Variants in RARB observed in about 807,000 individuals in gnomAD.
RARB encodes HBV-activated protein.
A neutral mutation model predicts 51.9 loss-of-function variants in RARB; 17 were observed. The ratio of observed to expected loss-of-function variants is 0.33; its 90% confidence interval spans 0.22 to 0.49. RARB has a LOEUF of 0.49. RARB is among the 20% of genes least tolerant of loss of function. The pLI is 0.99. For missense variants in RARB, 369 were observed against 550.8 expected (o/e 0.67, Z 3.30); for synonymous variants, 215 against 195.4 (o/e 1.10, Z -0.84).
At chr3:25,300,676 T>C (rs1704018473) in intron 5 of RARB, among the ~76,000 whole-genome samples, 1 of 152,118 alleles carries the variant, frequency 6.6e-6, no homozygotes, top group Non-Finnish European at 1.5e-5. Context: ...TGAGTCACTT[T>C]TGGCTGCTGC....
chr3:25,468,920 T>C (rs1695567378), intron 2 of RARB, among the ~76,000 whole-genome samples: 2 of 152,340 alleles, frequency 1.3e-5, no homozygotes, highest in Non-Finnish European at 2.9e-5. Flanking sequence ...CAGCCTGTCC[T>C]GCAGAAGGCC....
chr3:25,550,346 A>T (rs1024538697), intron 3 of RARB, among the ~76,000 whole-genome samples: 5 of 152,102 alleles, frequency 3.3e-5, no homozygotes, highest in Non-Finnish European at 7.4e-5. Context: ...GTGGCTTATA[A>T]ATAACAGAAA....
At position 25,375,907 on chromosome 3, in the gene RARB, C is replaced by A. The variant is rs144820039; in HGVS notation, c.179-85286C>A. ...CAAGTTTCCACCTACCATTTACTAGCTATGTGGCCTTGAGGGTTACTGAAC... is the reference window on the plus strand; with the variant it reads ...CAAGTTTCCACCTACCATTTACTAGATATGTGGCCTTGAGGGTTACTGAAC... On this transcript the variant is annotated intron_variant, in intron 5 of 11. Coordinates refer to the RARB transcript ENST00000383772. Among the ~76,000 whole-genome samples the A allele has an allele frequency of 4.2e-3, 643 of 152,258 alleles. 3 individuals carry two copies. The highest frequency in any genetic ancestry group is 0.014 in the African/African-American group (599 of 41,558).
chr3:24,903,097 AAGT>A (rs1297926477), intron 2 of RARB, among the ~76,000 whole-genome samples: 2 of 152,142 alleles, frequency 1.3e-5, no homozygotes, highest in African/African-American at 2.4e-5. Flanking sequence ...AAAAATCTCC[AAGT>A]AGTAAATACA....
chr3:25,438,022 A>C lies in RARB; in HGVS notation c.157+9134A>C, dbSNP rs535341023. Among the ~76,000 whole-genome samples the C allele has an allele frequency of 2.2e-3, 332 of 152,360 alleles. 2 individuals are homozygous for C. Among genetic ancestry groups the C allele is most frequent in the African/African-American group, 7.1e-3 (297 of 41,592 alleles). On this transcript the variant is annotated intron_variant, in intron 1 of 7. Transcript: ENST00000330688. Reference sequence around the variant, plus strand: ...GTGGATGGGCTGGGCTCCGCTGGGCAGACCCTCTGCTCCGCATGCTGTCAG... The same window carrying C: ...GTGGATGGGCTGGGCTCCGCTGGGCCGACCCTCTGCTCCGCATGCTGTCAG...
chr3:25,150,252 A>G (rs1475607403), intron 4 of RARB, among the ~76,000 whole-genome samples: 1 of 152,202 alleles, frequency 6.6e-6, no homozygotes, highest in African/African-American at 2.4e-5. Flanking sequence ...TAGCATGATG[A>G]AACAGAGCAA....
chr3:25,285,302 G>T (rs775493736), intron 5 of RARB, among the ~76,000 whole-genome samples: 5 of 152,154 alleles, frequency 3.3e-5, no homozygotes, highest in South Asian at 2.1e-4. Context: ...AAAAGGAAAG[G>T]CTTTCCAGTC....
intron 5 of RARB, among the ~76,000 whole-genome samples, chr3:25,581,001 C>T (rs925403176): frequency 6.6e-6 from 1 of 152,082 alleles, no homozygotes; most frequent in African/African-American, 2.4e-5. Flanking sequence ...CTAAGTTTAC[C>T]CCAGACCCCC....
chr3:25,184,355 CAG>C (rs1279616546), intron 5 of RARB, among the ~76,000 whole-genome samples: 2 of 152,108 alleles, frequency 1.3e-5, no homozygotes, highest in Admixed American at 6.6e-5. Context: ...GATGATAGCA[CAG>C]AGTTACCTGG....
At chr3:25,580,421 C>A in intron 4 of RARB, 125 bp from the exon 5 acceptor site, 1 of 875,246 alleles carries the variant, frequency 1.1e-6, no homozygotes, top group Non-Finnish European at 1.7e-6. Context: ...ATGTAGCTGT[C>A]CCACCAACAA....
intron 2 of RARB, among the ~76,000 whole-genome samples, chr3:25,019,399 A>G (rs1383818463): frequency 6.6e-6 from 1 of 152,180 alleles, no homozygotes; most frequent in Non-Finnish European, 1.5e-5. Context: ...GAGATAAGCC[A>G]TGCAATTGCT....
intron 5 of RARB, among the ~76,000 whole-genome samples, chr3:25,347,389 A>G (rs988978150): frequency 7.2e-5 from 11 of 152,202 alleles, no homozygotes; most frequent in African/African-American, 1.9e-4. Context: ...GAGCTATGGT[A>G]TATCCCATCA....
intron 3 of RARB, among the ~76,000 whole-genome samples, chr3:25,061,103 T>C (rs1231869061): frequency 6.6e-6 from 1 of 151,912 alleles, no homozygotes; most frequent in Admixed American, 6.6e-5. Context: ...GAGAAAGGAT[T>C]AACATACTTG....
chr3:25,141,215 T>C (rs1700101854), intron 4 of RARB, among the ~76,000 whole-genome samples: 1 of 152,078 alleles, frequency 6.6e-6, no homozygotes, highest in Non-Finnish European at 1.5e-5. Context: ...CCCGGGAAAC[T>C]CATAAACGTT....
chr3:24,866,777 TAA>T (rs576465758), intron 2 of RARB, among the ~76,000 whole-genome samples: 82 of 152,232 alleles, frequency 5.4e-4, no homozygotes, highest in Admixed American at 2.6e-3. Context: ...AGAATTGAAA[TAA>T]AGAGTTTTAC....
rs576351513 is a variant in RARB, at chr3:25,008,214, C to T, written c.-379-51911C>T. 9.9e-5 allele frequency among the ~76,000 whole-genome samples: 15 copies of T among 152,200 alleles called. No homozygotes were observed. In the South Asian group the frequency reaches 2.7e-3, roughly 27 times the overall value. ...TTTTCAGGAAGTGTGAATTTGAGTG[C>T]CTTTTGGCAGGGCTTGTACATTTTA... On this transcript the variant is annotated intron_variant, in intron 2 of 11. Coordinates refer to the RARB transcript ENST00000383772.
At chr3:25,135,914 T>C (rs1700025803) in intron 4 of RARB, among the ~76,000 whole-genome samples, 1 of 147,630 alleles carries the variant, frequency 6.8e-6, no homozygotes, top group East Asian at 2.0e-4. Flanking sequence ...AAGAAAAGCT[T>C]ATCTTTGTAA....
intron 2 of RARB, among the ~76,000 whole-genome samples, chr3:24,968,901 G>A (rs1696334516): frequency 6.6e-6 from 1 of 152,016 alleles, no homozygotes; most frequent in African/African-American, 2.4e-5. Flanking sequence ...GGTTCTTTCA[G>A]ATTCATATAA....
chr3:25,273,451 G>A (rs1420475520), intron 5 of RARB, among the ~76,000 whole-genome samples: 1 of 152,074 alleles, frequency 6.6e-6, no homozygotes, highest in Non-Finnish European at 1.5e-5. Flanking sequence ...CTACCCTTTT[G>A]CCTTTTCCCA....
Sources: allele counts gnomAD v4.1 joint callset (sites outside exome capture counted in the v4.1 genomes callset), GRCh38; gene constraint gnomAD v4.1.1; transcripts MANE v1.5; gene names NCBI Gene and HGNC (gene_info 2026-07-23, HGNC 2026-07-21).